LYN: variants seen among roughly 807,000 people sequenced by gnomAD.
The protein encoded by LYN is LYN proto-oncogene, Src family tyrosine kinase, also known as tyrosine-protein kinase Lyn.
LYN carries 12 observed loss-of-function variants against 65.0 expected under a neutral mutation model. The ratio of observed to expected loss-of-function variants is 0.18; its 90% CI spans 0.12 to 0.30. The LOEUF is 0.30. LYN is among the 10% of genes least tolerant of loss of function. The pLI is 1.00. For missense variants in LYN, 380 were observed against 623.2 expected, an observed-to-expected ratio of 0.61 and a Z score of 4.16; for synonymous variants, 222 against 221.2, an observed-to-expected ratio of 1.00 and a Z score of -0.03.
chr8:55,994,814 A>T (rs1014205655), intron 10 of LYN, among the ~76,000 whole-genome samples: 4 of 152,070 alleles, frequency 2.6e-5, no homozygotes, highest in Non-Finnish European at 5.9e-5. Context: ...CATGGAGTGG[A>T]GCCGGGAGGC....
At chr8:55,991,607 A>G (rs1185586608) in intron 10 of LYN, among the ~76,000 whole-genome samples, 1 of 150,350 alleles carries the variant, frequency 6.7e-6, no homozygotes, top group Non-Finnish European at 1.5e-5. Context: ...CCCCACCCCC[A>G]GGATTTGCTC....
intron 10 of LYN, among the ~76,000 whole-genome samples, chr8:55,979,537 G>A (rs930276150): frequency 1.3e-5 from 2 of 152,266 alleles, no homozygotes; most frequent in African/African-American, 4.8e-5. Context: ...CAGCTCGTGG[G>A]GCTTTGTGAA....
chr8:55,990,517 C>G (rs1273136935), intron 10 of LYN, among the ~76,000 whole-genome samples: 1 of 152,122 alleles, frequency 6.6e-6, no homozygotes, highest in African/African-American at 2.4e-5. Flanking sequence ...ATAAATTTCC[C>G]CCATAAGAGA....
At chr8:55,895,222 T>C (rs1805061295) in intron 1 of LYN, among the ~76,000 whole-genome samples, 2 of 152,080 alleles carry the variant, frequency 1.3e-5, no homozygotes, top group Non-Finnish European at 2.9e-5. Flanking sequence ...TACAGAGGAT[T>C]TGAACAAAGA....
At chr8:55,979,338 A>G (rs925196496) in intron 10 of LYN, among the ~76,000 whole-genome samples, 2 of 152,170 alleles carry the variant, frequency 1.3e-5, no homozygotes, top group Non-Finnish European at 2.9e-5. Context: ...CACCGTGCCC[A>G]GCCTCATTCT....
rs1386543270 is a variant in LYN at position 55,911,196 on chromosome 8, C to T, written c.-5-30659C>T. 8.7e-3 allele frequency among the ~76,000 whole-genome samples: 48 copies of T among 5,522 alleles called. 10 individuals carry two copies. Among genetic ancestry groups the T allele is most frequent in the Non-Finnish European group, 0.049 (20 of 412 alleles). The allele number at this position is 5,522 out of a possible 152,430, so 3.6% of individuals were successfully genotyped here. On this transcript the variant is annotated intron_variant, in intron 1 of 12. Coordinates refer to ENST00000519728, the MANE Select transcript of LYN (RefSeq NM_002350.4). ...ACGTATATATATATATATACACACA[C>T]ACATATATATATACACGTGTATATA... is the stretch of plus-strand genomic sequence containing the variant.
chr8:56,009,561 T>C lies in LYN; in HGVS notation c.1337-347T>C, dbSNP rs970194757. 2.0e-5 allele frequency among the ~76,000 whole-genome samples: 3 copies of C among 152,212 alleles called. No homozygotes were observed. In the South Asian group the frequency reaches 6.2e-4, roughly 32 times the overall value. ...TGTAGATGGCTGCCTCCTCCCTGTG[T>C]CTTCACATGGTCTTTCCCCTATACT... On this transcript the variant is annotated intron_variant, in intron 12 of 12. Coordinates refer to ENST00000519728, the MANE Select transcript of LYN (RefSeq NM_002350.4).
chr8:55,967,462 G>A (rs2667986), intron 9 of LYN, among the ~76,000 whole-genome samples: 21,593 of 151,354 alleles, frequency 0.14, 2,072 homozygotes, highest in Middle Eastern at 0.23. Flanking sequence ...CTACAGGCAC[G>A]TGCCACCATG....
chr8:55,920,492 T>C (rs1730775408), intron 1 of LYN, among the ~76,000 whole-genome samples: 1 of 152,194 alleles, frequency 6.6e-6, no homozygotes, highest in Non-Finnish European at 1.5e-5. Flanking sequence ...GCATTTAACA[T>C]ATGCTATTTC....
intron 1 of LYN, among the ~76,000 whole-genome samples, chr8:55,882,628 A>T (rs1274828285): frequency 2.0e-5 from 3 of 152,214 alleles, no homozygotes; most frequent in Non-Finnish European, 4.4e-5. Context: ...TCAATGTCAC[A>T]TTGATAGCAG....
intron 10 of LYN, among the ~76,000 whole-genome samples, chr8:55,984,295 G>A (rs1479679135): frequency 2.0e-5 from 3 of 152,214 alleles, no homozygotes; most frequent in Non-Finnish European, 4.4e-5. Context: ...CCACTCCGAA[G>A]CTTCTAGCTC....
At position 55,984,760 on chromosome 8, in the gene LYN, G is replaced by A. The variant is rs867586; in HGVS notation, c.1051-13586G>A. 5.1e-3 allele frequency among the ~76,000 whole-genome samples: 771 copies of A among 152,336 alleles called. 6 individuals are homozygous for A. The highest frequency in any genetic ancestry group is 0.018 in the African/African-American group (729 of 41,586). On this transcript the variant is annotated intron_variant, in intron 10 of 12. Coordinates refer to ENST00000519728, the MANE Select transcript of LYN (RefSeq NM_002350.4). Reference sequence around the variant, plus strand: ...TAACCCCCTCACTCTCAGCCCTCCAGTTCTTCTTGGCTTCACTCGGAATGC... The same window carrying A: ...TAACCCCCTCACTCTCAGCCCTCCAATTCTTCTTGGCTTCACTCGGAATGC...
chr8:55,918,973 A>G (rs563519665), intron 1 of LYN, among the ~76,000 whole-genome samples: 2 of 144,634 alleles, frequency 1.4e-5, no homozygotes, highest in South Asian at 4.6e-4. Flanking sequence ...TCGAGGCAGG[A>G]GAATTGCATG....
At chr8:55,901,159 TC>T (rs966101109) in intron 1 of LYN, among the ~76,000 whole-genome samples, 90 of 152,244 alleles carry the variant, frequency 5.9e-4, no homozygotes, top group Non-Finnish European at 4.7e-4. Context: ...TGCTTTTTTT[TC>T]CCTCTCCTTC....
rs1371157353 is a variant in LYN at position 55,942,381 on chromosome 8, G to GTA, written c.132+400_132+401dup. On this transcript the variant is annotated intron_variant, in intron 2 of 12. Coordinates refer to ENST00000519728, the MANE Select transcript of LYN (RefSeq NM_002350.4). ...TGTATATATATGTGTATATATATGT[G>GTA]TATATATATATGTGTATATATGTGT... 1.7e-3 allele frequency among the ~76,000 whole-genome samples: 227 copies of GTA among 137,028 alleles called. 2 individuals are homozygous for GTA. Among genetic ancestry groups the GTA allele is most frequent in the African/African-American group, 5.0e-3 (177 of 35,366 alleles). The allele number at this position is 137,028 out of a possible 152,430, so 89.9% of individuals were successfully genotyped here. A position where few individuals can be genotyped will look rare whatever the true frequency, so the allele number is the denominator to read the frequency against.
chr8:55,953,387 C>T (rs770459006), intron 7 of LYN, among the ~76,000 whole-genome samples: 1 of 152,140 alleles, frequency 6.6e-6, no homozygotes, highest in African/African-American at 2.4e-5. Flanking sequence ...GTGGCTCACA[C>T]CTGTAATCCA....
At chr8:55,954,820 G>A (rs1042876373) in intron 8 of LYN, among the ~76,000 whole-genome samples, 6 of 148,354 alleles carry the variant, frequency 4.0e-5, no homozygotes, top group Non-Finnish European at 8.9e-5. Context: ...GGGTGACACA[G>A]TGAGACCCTG....
intron 6 of LYN, 100 bp downstream of exon 6, chr8:55,950,884 G>A: frequency 1.3e-6 from 1 of 772,138 alleles, no homozygotes; most frequent in South Asian, 1.6e-5. Flanking sequence ...CATATAGTAT[G>A]CTCTGGTAGT....
At position 55,983,389 on chromosome 8, in the gene LYN, C is replaced by T. The variant is rs543799975; in HGVS notation, c.1050+13596C>T. Among the ~76,000 whole-genome samples the T allele has an allele frequency of 2.6e-5, 4 of 152,328 alleles. No individual in the cohort carries two copies. The East Asian group carries it at 7.7e-4, about 29-fold the overall frequency. On this transcript the variant is annotated intron_variant, in intron 10 of 12. Transcript: ENST00000519728. ...TAGAAATTCCGCATTAGCGTTTTCC[C>T]TCACTTCTGCACTTCCCATAGGAAT... is the stretch of plus-strand genomic sequence containing the variant.
Sources: allele counts gnomAD v4.1 joint callset (sites outside exome capture counted in the v4.1 genomes callset), GRCh38; gene constraint gnomAD v4.1.1; transcripts MANE v1.5; gene names NCBI Gene and HGNC (gene_info 2026-07-23, HGNC 2026-07-21).